The following MCF2L variants were observed in gnomAD, a reference collection of about 807,000 sequenced individuals.
The protein encoded by MCF2L is guanine nucleotide exchange factor DBS.
In MCF2L, 97 loss-of-function variants were observed where a neutral mutation model predicts 153.4. That is an observed-to-expected ratio of 0.63 (90% CI 0.54 to 0.75). The LOEUF is 0.75. MCF2L is among the 30% of genes least tolerant of loss of function. The pLI is 0.00. For synonymous variants in MCF2L, 659 were observed against 632.2 expected (o/e 1.04, Z -0.64); for missense variants, 1,347 against 1,495.2 (o/e 0.90, Z 1.64).
intron 1 of MCF2L, among the ~76,000 whole-genome samples, chr13:112,898,538 G>A (rs1013874516): frequency 4.6e-5 from 7 of 152,140 alleles, no homozygotes; most frequent in African/African-American, 1.7e-4. Context: ...CACGGCAGCA[G>A]CAGGGGTAAC....
Position 113,019,898 on chromosome 13 carries a change from T to C in MCF2L, c.164-4746T>C, listed in dbSNP as rs2084769750. Among the ~76,000 whole-genome samples the C allele has an allele frequency of 2.6e-5, 4 of 152,226 alleles. No individual in the cohort carries two copies. In the South Asian group the frequency reaches 8.3e-4, roughly 32 times the overall value. ...CACCAAGTCTATGGGCACCTTCATCTTGGACTTACCTGGCCAGAGCTGTGA... is the reference window on the plus strand; with the variant it reads ...CACCAAGTCTATGGGCACCTTCATCCTGGACTTACCTGGCCAGAGCTGTGA... On this transcript the variant is annotated intron_variant, in intron 2 of 29. Transcript: ENST00000535094.
At position 113,094,555 on chromosome 13, in the gene MCF2L, G is replaced by C; in HGVS notation, c.2995G>C (p.Asp999His). The change falls in exon 27 of 30, where the codon GAC becomes CAC. Residue 999 changes from aspartate to histidine, a missense_variant. Around this residue, in one of 3 missense-constraint regions of MCF2L, gnomAD observed 383 missense variants for 335.4 expected, o/e 1.14. Transcript: ENST00000535094. The part of the protein sequence containing the change: ...TSHSLEAPED[D>H]GGWSSAEEQI... ...CCACTCACTGGAGGCACCTGAGGAC[G>C]ACGGGGGCTGGTCAAGTGCAGAGGA... The C allele has an allele frequency of 6.2e-7, 1 of 1,612,562 alleles. No individual in the cohort carries two copies. The highest frequency in any genetic ancestry group is 8.5e-7 in the Non-Finnish European group (1 of 1,179,684).
Position 113,045,139 on chromosome 13 carries a change from T to C in MCF2L, c.279-132T>C, listed in dbSNP as rs1397828283. 3.2e-6 allele frequency: 3 copies of C among 934,458 alleles called. No individual in the cohort carries two copies. The highest frequency in any genetic ancestry group is 5.1e-6 in the Non-Finnish European group (3 of 583,748). 57.9% of individuals were successfully genotyped at this position (934,458 alleles called of 1,614,324 possible). A position where few individuals can be genotyped will look rare whatever the true frequency, so the allele number is the denominator to read the frequency against. On this transcript the variant is annotated intron_variant, in intron 3 of 29. Transcript: ENST00000535094. This position sits in a 1 kb window ranked among gnomAD's most constrained non-coding sequence, Gnocchi z 4.2. ...TGCCGGGGCCCCCGTGTGCCATGCC[T>C]CTCACCTGGTATTGCAGAAATGGCA...
chr13:112,965,321 G>A (rs1223386574), upstream of MCF2L: 3 of 152,266 alleles, frequency 2.0e-5, no homozygotes, highest in Non-Finnish European at 4.4e-5. Flanking sequence ...CATGGAGGCT[G>A]TCACATACCC....
intron 1 of MCF2L, among the ~76,000 whole-genome samples, chr13:112,976,406 G>T (rs569592356): frequency 3.3e-5 from 5 of 152,128 alleles, no homozygotes; most frequent in Non-Finnish European, 7.4e-5. Flanking sequence ...ACAAGACTTC[G>T]TTTCTGTAAG....
chr13:113,066,966 G>A (rs2032469697), intron 8 of MCF2L, among the ~76,000 whole-genome samples: 1 of 152,250 alleles, frequency 6.6e-6, no homozygotes, highest in Non-Finnish European at 1.5e-5. Context: ...GACATGCCAA[G>A]GGCCCCGGGG....
Position 113,064,152 on chromosome 13 carries a change from G to T in MCF2L, c.490-152G>T. The T allele has an allele frequency of 2.9e-6, 2 of 697,684 alleles. No homozygotes were observed. Among genetic ancestry groups the T allele is most frequent in the Non-Finnish European group, 5.2e-6 (2 of 382,024 alleles). The allele number at this position is 697,684 out of a possible 1,614,324, so 43.2% of individuals were successfully genotyped here. A position where few individuals can be genotyped will look rare whatever the true frequency, so the allele number is the denominator to read the frequency against. ...CTGCATCCCATCCGCACATCCATCC[G>T]CAGTGTCCAGGTGCCCCCACCCACA... On this transcript the variant is annotated intron_variant, in intron 5 of 29. Coordinates refer to ENST00000535094, the MANE Select transcript of MCF2L (RefSeq NM_001112732.3). The surrounding 1 kb of genome is among the most constrained non-coding windows in gnomAD (Gnocchi z 6.0).
intron 20 of MCF2L, 32 bp from the exon 21 acceptor site, chr13:113,086,092 C>CGCGTCT (rs1318829131): frequency 6.3e-7 from 1 of 1,587,182 alleles, no homozygotes; most frequent in African/African-American, 1.4e-5. Context: ...TCTCCGTGTC[C>CGCGTCT]CGACGCGGTT....
chr13:112,931,555 C>G (rs2081463757), intron 2 of MCF2L, among the ~76,000 whole-genome samples: 1 of 152,170 alleles, frequency 6.6e-6, no homozygotes. Context: ...ATACTGTGCA[C>G]ATCCCATAGC....
intron 5 of MCF2L, among the ~76,000 whole-genome samples, chr13:113,062,699 C>T (rs570459887): frequency 9.7e-4 from 147 of 152,214 alleles, no homozygotes; most frequent in African/African-American, 3.4e-3. Context: ...GTTTCAGTGC[C>T]GTGTGCTGGA....
intron 1 of MCF2L, among the ~76,000 whole-genome samples, chr13:112,999,002 G>A (rs1474946564): frequency 5.9e-5 from 9 of 152,190 alleles, no homozygotes; most frequent in South Asian, 4.1e-4. Flanking sequence ...TGGCCACAGC[G>A]ATGAGCCCGG....
At chr13:113,018,815 G>A (rs2084698139) in intron 2 of MCF2L, among the ~76,000 whole-genome samples, 1 of 152,240 alleles carries the variant, frequency 6.6e-6, no homozygotes, top group African/African-American at 2.4e-5. Flanking sequence ...CCGCCACTGT[G>A]CGTCTCACTC....
intron 2 of MCF2L, among the ~76,000 whole-genome samples, chr13:112,915,245 T>C (rs1301329907): frequency 6.6e-6 from 1 of 151,592 alleles, no homozygotes; most frequent in East Asian, 1.9e-4. Context: ...CTATCTCTAC[T>C]AAAAATACAA....
chr13:113,008,065 T>C (rs1158473541), intron 1 of MCF2L, among the ~76,000 whole-genome samples: 1 of 152,056 alleles, frequency 6.6e-6, no homozygotes, highest in Non-Finnish European at 1.5e-5. Context: ...TACAGGCACC[T>C]GCCACCATGC....
chr13:112,947,805 C>T (rs950555527), intron 2 of MCF2L, among the ~76,000 whole-genome samples: 6 of 152,140 alleles, frequency 3.9e-5, no homozygotes, highest in African/African-American at 1.4e-4. Context: ...GCCCTACCTC[C>T]GCAGCTACAC....
At chr13:113,015,826 C>G (rs1224157948) in intron 2 of MCF2L, among the ~76,000 whole-genome samples, 1 of 152,230 alleles carries the variant, frequency 6.6e-6, no homozygotes, top group Non-Finnish European at 1.5e-5. Context: ...CAGGGGGTCT[C>G]TGGAGAACTG....
chr13:113,033,636 C>A lies in MCF2L; in HGVS notation c.278+8878C>A, dbSNP rs2993321. 4.6e-5 allele frequency among the ~76,000 whole-genome samples: 7 copies of A among 151,994 alleles called. No homozygotes were observed. In the South Asian group the frequency reaches 8.3e-4, roughly 18 times the overall value. ...CAAATGCTCCAGCTGGGTGATTTCC[C>A]CCCCCCACCCCAACGGAGTTGGCAG... On this transcript the variant is annotated intron_variant, in intron 3 of 29. Transcript: ENST00000535094.
At chr13:112,909,415 G>T in intron 2 of MCF2L, 1 of 729,744 alleles carries the variant, frequency 1.4e-6, no homozygotes, top group Non-Finnish European at 2.5e-6. Context: ...CTGTCTGCAG[G>T]GGTTTGGGGC....
intron 1 of MCF2L, among the ~76,000 whole-genome samples, chr13:112,970,675 G>A (rs955323886): frequency 5.3e-5 from 8 of 152,138 alleles, no homozygotes; most frequent in African/African-American, 1.9e-4. Flanking sequence ...GCCTCTGCGT[G>A]CCGTTCGGTG....
Sources: gnomAD v4.1 joint callset for allele counts (sites outside exome capture counted in the v4.1 genomes callset) on GRCh38, gnomAD v4.1.1 for gene constraint, gnomAD v4.1.1 regional missense constraint, Gnocchi (gnomAD v3.1) non-coding constraint, MANE v1.5 for transcripts, NCBI Gene and HGNC (gene_info 2026-07-23, HGNC 2026-07-21) for gene names.